TMEM131L: variants seen among roughly 807,000 people sequenced by gnomAD.
TMEM131L encodes the protein transmembrane 131 like, also known as transmembrane protein 131-like.
TMEM131L carries 54 observed loss-of-function variants against 192.2 expected under a neutral mutation model. The ratio of observed to expected loss-of-function variants is 0.28; its 90% CI spans 0.23 to 0.35. The LOEUF (loss-of-function observed/expected upper bound fraction) is 0.35. Ranked by LOEUF, TMEM131L falls within the 10% of genes least tolerant of loss-of-function variation. TMEM131L has a pLI of 1.00. For missense variants in TMEM131L, 1,888 were observed against 1,972.9 expected, an observed-to-expected ratio of 0.96 and a Z score of 0.82; for synonymous variants, 701 against 704.9, an observed-to-expected ratio of 0.99 and a Z score of 0.09.
intron 3 of TMEM131L, among the ~76,000 whole-genome samples, chr4:153,484,934 A>G (rs1312077877): frequency 2.7e-5 from 4 of 147,388 alleles, no homozygotes; most frequent in East Asian, 2.1e-4. Flanking sequence ...CCTGGCTAAC[A>G]TGGTGAAACC....
Position 153,466,522 on chromosome 4 carries a change from GTCAGCCTTGCGCCGCTGGGC to G in TMEM131L, c.124+4_124+23del, listed in dbSNP as rs1730754901. Reference sequence around the variant, plus strand: ...CGCCCGGGAGGGGCTCAGGGACAAGGTCAGCCTTGCGCCGCTGGGCTCGCTCTGCCTCTCCACCCCGCCCC... The same window carrying G: ...CGCCCGGGAGGGGCTCAGGGACAAGGTCGCTCTGCCTCTCCACCCCGCCCC... On this transcript the variant is annotated splice_donor_variant and splice_donor_5th_base_variant and intron_variant, in intron 1 of 34. Transcript: ENST00000409959. LOFTEE classifies it high-confidence loss of function. 1.5e-6 allele frequency: 2 copies of G among 1,372,234 alleles called. No individual in the cohort carries two copies. Among genetic ancestry groups the G allele is most frequent in the Non-Finnish European group, 1.9e-6 (2 of 1,055,084 alleles). The allele number at this position is 1,372,234 out of a possible 1,614,324, so 85.0% of individuals were successfully genotyped here. A position where few individuals can be genotyped will look rare whatever the true frequency, so the allele number is the denominator to read the frequency against.
At chr4:153,540,567 C>G (rs138092798) in intron 3 of TMEM131L, among the ~76,000 whole-genome samples, 1 of 152,306 alleles carries the variant, frequency 6.6e-6, no homozygotes, top group Non-Finnish European at 1.5e-5. Context: ...GTTAGGCAGC[C>G]TGTTTTTATT....
chr4:153,593,811 T>G lies in TMEM131L; in HGVS notation c.1935T>G (p.Asp645Glu), dbSNP rs776220044. 1.8e-5 allele frequency: 29 copies of G among 1,612,310 alleles called. No homozygotes were observed. Among genetic ancestry groups the G allele is most frequent in the Admixed American group, 3.3e-5 (2 of 59,996 alleles). Reference sequence around the variant, plus strand: ...TTTTTCCTTATAGGTTTGGCACTGATATGCAGATGATTAATTTCACAACTG... The same window carrying G: ...TTTTTCCTTATAGGTTTGGCACTGAGATGCAGATGATTAATTTCACAACTG... ...VHLLHRWFGT[D>E]MQMINFTTGE... The change falls in exon 19 of 35, where the codon GAT becomes GAG. Residue 645 changes from aspartate to glutamate, a missense_variant. Physicochemically the swap from Asp to Glu is conservative, Grantham distance 45. Coordinates refer to ENST00000409959, the MANE Select transcript of TMEM131L (RefSeq NM_001131007.2).
rs562547044 is a variant in TMEM131L, at chr4:153,503,889, C to T, written c.239+30001C>T. On this transcript the variant is annotated intron_variant, in intron 3 of 34. Coordinates refer to ENST00000409959, the MANE Select transcript of TMEM131L (RefSeq NM_001131007.2). ...ATAAGGAAAGACAATTAGAAAACCT[C>T]ACTTCTCTGATTTTTCAACGTATAT... Among the ~76,000 whole-genome samples the T allele has an allele frequency of 1.6e-4, 24 of 152,348 alleles. No individual in the cohort carries two copies. In the East Asian group the frequency reaches 4.2e-3, roughly 27 times the overall value.
intron 3 of TMEM131L, among the ~76,000 whole-genome samples, chr4:153,543,491 G>T (rs1736948665): frequency 6.6e-6 from 1 of 152,214 alleles, no homozygotes; most frequent in South Asian, 2.1e-4. Flanking sequence ...AAAGGTCAGT[G>T]CCTTGCCTCA....
At chr4:153,595,871 G>C (rs1471852390) in intron 19 of TMEM131L, among the ~76,000 whole-genome samples, 1 of 152,196 alleles carries the variant, frequency 6.6e-6, no homozygotes, top group Non-Finnish European at 1.5e-5. Flanking sequence ...TCTTTGGGTT[G>C]TCCAGTGGTG....
chr4:153,634,968 T>C (rs181581507), intron 33 of TMEM131L, among the ~76,000 whole-genome samples: 6 of 152,332 alleles, frequency 3.9e-5, no homozygotes, highest in Admixed American at 2.0e-4. Context: ...GGGAATGTTA[T>C]GATTGTGAGG....
chr4:153,574,476 G>C (rs1316386163), intron 7 of TMEM131L, among the ~76,000 whole-genome samples: 2 of 152,200 alleles, frequency 1.3e-5, no homozygotes, highest in Non-Finnish European at 2.9e-5. Context: ...AGGCACCCAA[G>C]ATAGCTCTCA....
chr4:153,618,191 C>T lies in TMEM131L; in HGVS notation c.3568-2565C>T, dbSNP rs149860231. Among the ~76,000 whole-genome samples, 343 of 152,178 alleles carry T rather than the reference C, an allele frequency of 2.3e-3. 1 individual carries two copies. Among genetic ancestry groups the T allele is most frequent in the Non-Finnish European group, 4.2e-3 (283 of 67,990 alleles). ...TCCACACTGCCATCTGTGAAATCAT[C>T]ACCTCTATCAGAGAGATCAGCAAAC... On this transcript the variant is annotated intron_variant, in intron 26 of 34. Coordinates refer to ENST00000409959, the MANE Select transcript of TMEM131L (RefSeq NM_001131007.2).
chr4:153,490,275 G>GA (rs1180994801), intron 3 of TMEM131L, among the ~76,000 whole-genome samples: 1 of 152,172 alleles, frequency 6.6e-6, no homozygotes, highest in African/African-American at 2.4e-5. Context: ...CATGTTTTGG[G>GA]AAAATCTGAT....
chr4:153,545,724 A>G (rs994277951), intron 3 of TMEM131L, among the ~76,000 whole-genome samples: 1 of 152,298 alleles, frequency 6.6e-6, no homozygotes. Flanking sequence ...AAAATAAGAC[A>G]TGTGGAAATC....
chr4:153,603,802 A>G lies in TMEM131L; in HGVS notation c.2790A>G (p.Lys930=). The change falls in exon 25 of 35, where the codon AAA becomes AAG. Residue 930 remains lysine (K), a splice_region_variant and synonymous_variant. Coordinates refer to ENST00000409959, the MANE Select transcript of TMEM131L (RefSeq NM_001131007.2). ...PMDVISPHSY[K]SNCKNFLDTY... is the part of the protein sequence containing the mutation. ...TAAATGTTTTTCTTCTTAAATTCAG[A>G]AGCAATTGCAAGAACTTTCTCGATA... 6.4e-7 allele frequency: 1 copy of G among 1,572,498 alleles called. No individual in the cohort carries two copies. Among genetic ancestry groups the G allele is most frequent in the East Asian group, 2.2e-5 (1 of 44,636 alleles).
chr4:153,568,342 T>C (rs1729362254), intron 7 of TMEM131L, among the ~76,000 whole-genome samples: 1 of 152,186 alleles, frequency 6.6e-6, no homozygotes, highest in Admixed American at 6.5e-5. Context: ...TCTTCCTCCT[T>C]GTTTGTGCTT....
chr4:153,542,992 A>G (rs1304231578), intron 3 of TMEM131L, among the ~76,000 whole-genome samples: 2 of 152,222 alleles, frequency 1.3e-5, no homozygotes, highest in African/African-American at 2.4e-5. Context: ...CCAGCCATCA[A>G]CACGCTGGGC....
chr4:153,634,077 C>T, intron 32 of TMEM131L, 115 bp from the exon 33 acceptor site: 1 of 867,156 alleles, frequency 1.2e-6, no homozygotes, highest in Admixed American at 1.9e-5. Flanking sequence ...TTTTATTTTC[C>T]AAAATTGGGG....
chr4:153,634,042 A>T (rs900907923), intron 32 of TMEM131L, 150 bp from the exon 33 acceptor site: 1 of 677,388 alleles, frequency 1.5e-6, no homozygotes, highest in African/African-American at 1.8e-5. Flanking sequence ...TAAGCCTTTG[A>T]TTCTGTGACT....
intron 21 of TMEM131L, among the ~76,000 whole-genome samples, chr4:153,599,082 G>A (rs1731649825): frequency 6.6e-6 from 1 of 152,184 alleles, no homozygotes. Flanking sequence ...TGGCTCTGCA[G>A]GTTGTGTAGG....
rs759473465 is a variant in TMEM131L at position 153,598,583 on chromosome 4, A to G, written c.2124-7A>G. On this transcript the variant is annotated splice_region_variant and splice_polypyrimidine_tract_variant and intron_variant, in intron 20 of 34. Transcript: ENST00000409959. Reference sequence around the variant, plus strand: ...TGCCTTTTTATATCTATTTCCTTTCACTACAGGAATAACTTGACTGTTATT... The same window carrying G: ...TGCCTTTTTATATCTATTTCCTTTCGCTACAGGAATAACTTGACTGTTATT... 1 of 1,611,304 alleles carries G rather than the reference A, an allele frequency of 6.2e-7. No individual in the cohort carries two copies. Among genetic ancestry groups the G allele is most frequent in the East Asian group, 2.2e-5 (1 of 44,772 alleles).
intron 3 of TMEM131L, among the ~76,000 whole-genome samples, chr4:153,526,158 G>A (rs897420427): frequency 6.6e-6 from 1 of 152,068 alleles, no homozygotes; most frequent in Non-Finnish European, 1.5e-5. Flanking sequence ...CACCCAGCCT[G>A]CTACTCCACT....
Sources: gnomAD v4.1 joint callset for allele counts (sites outside exome capture counted in the v4.1 genomes callset) on GRCh38, gnomAD v4.1.1 for gene constraint, MANE v1.5 for transcripts, NCBI Gene and HGNC (gene_info 2026-07-23, HGNC 2026-07-21) for gene names.